WDPCP: variants seen among roughly 807,000 people sequenced by gnomAD.
The protein encoded by WDPCP is WD repeat-containing and planar cell polarity effector protein fritz homolog.
In WDPCP, 71 loss-of-function variants were observed where a neutral mutation model predicts 93.1. The observed-to-expected ratio is 0.76, with a 90% CI of 0.63 to 0.93. WDPCP has a LOEUF of 0.93. Among genes scored for constraint, WDPCP ranks in the 40% least tolerant of loss-of-function variants. The pLI is 0.00. For missense variants in WDPCP, 844 were observed against 887.4 expected, an observed-to-expected ratio of 0.95 and a Z score of 0.62; for synonymous variants, 315 against 315.0, an observed-to-expected ratio of 1.00 and a Z score of 0.00.
chr2:63,605,839 T>C (rs560106788), intron 3 of WDPCP: 4 of 940,164 alleles, frequency 4.3e-6, no homozygotes, highest in East Asian at 2.4e-5. Context: ...AATGATGTTA[T>C]GAACATAGTA....
chr2:63,397,532 G>T (rs917984582), intron 10 of WDPCP, among the ~76,000 whole-genome samples: 2 of 152,226 alleles, frequency 1.3e-5, no homozygotes, highest in African/African-American at 4.8e-5. Flanking sequence ...CACAAAGTGA[G>T]GGCTAAAAAT....
intron 14 of WDPCP, among the ~76,000 whole-genome samples, chr2:63,195,818 T>C (rs1238878263): frequency 2.6e-5 from 4 of 152,154 alleles, no homozygotes; most frequent in African/African-American, 4.8e-5. Flanking sequence ...TTTATCAAAA[T>C]GTATACACAC....
chr2:63,242,896 A>G (rs763395725), intron 14 of WDPCP, among the ~76,000 whole-genome samples: 5 of 152,166 alleles, frequency 3.3e-5, no homozygotes, highest in African/African-American at 4.8e-5. Context: ...CAAATCTTCA[A>G]TGATGTAGAT....
intron 12 of WDPCP, among the ~76,000 whole-genome samples, chr2:63,331,667 A>G (rs1000691422): frequency 1.3e-5 from 2 of 152,312 alleles, no homozygotes; most frequent in African/African-American, 4.8e-5. Flanking sequence ...ATTTTGCAGC[A>G]AATGCCCTTA....
At chr2:63,703,300 A>G (rs1406273750) in intron 2 of WDPCP, among the ~76,000 whole-genome samples, 7 of 152,308 alleles carry the variant, frequency 4.6e-5, no homozygotes, top group African/African-American at 1.2e-4. Context: ...TCGCCACACC[A>G]ACTTCCACAA....
chr2:63,261,344 G>T (rs982690385), intron 13 of WDPCP, among the ~76,000 whole-genome samples: 2 of 152,004 alleles, frequency 1.3e-5, no homozygotes, highest in Non-Finnish European at 2.9e-5. Context: ...AACTTTAATT[G>T]GAAGTGATTT....
intron 9 of WDPCP, among the ~76,000 whole-genome samples, chr2:63,414,504 T>TAC (rs1333301707): frequency 6.6e-6 from 1 of 151,116 alleles, no homozygotes; most frequent in Non-Finnish European, 1.5e-5. Flanking sequence ...CACATATATA[T>TAC]ACACACACAC....
At chr2:63,228,223 T>G (rs911763721) in intron 14 of WDPCP, among the ~76,000 whole-genome samples, 1 of 152,000 alleles carries the variant, frequency 6.6e-6, no homozygotes, top group Non-Finnish European at 1.5e-5. Flanking sequence ...CAAGTCACAA[T>G]TGCTTAGGAA....
intron 12 of WDPCP, among the ~76,000 whole-genome samples, chr2:63,364,471 G>A (rs1359401930): frequency 6.6e-6 from 1 of 151,984 alleles, no homozygotes; most frequent in Non-Finnish European, 1.5e-5. Flanking sequence ...TCTTTCATGT[G>A]CATTCACTGT....
At chr2:63,334,156 G>T (rs1056705275) in intron 12 of WDPCP, among the ~76,000 whole-genome samples, 18 of 152,116 alleles carry the variant, frequency 1.2e-4, no homozygotes, top group African/African-American at 4.3e-4. Context: ...ATGAACATGG[G>T]GTGTCTTTAC....
chr2:63,213,413 C>G (rs1051828275), intron 14 of WDPCP, among the ~76,000 whole-genome samples: 1 of 152,194 alleles, frequency 6.6e-6, no homozygotes, highest in East Asian at 1.9e-4. Flanking sequence ...TAAAGATGTT[C>G]TTTGAAACCA....
chr2:63,837,322 A>T, the WDPCP span, among the ~76,000 whole-genome samples: 1 of 152,310 alleles, frequency 6.6e-6, no homozygotes, highest in African/African-American at 2.4e-5. Flanking sequence ...TGTTAGATGT[A>T]GTCAGTTACT....
intron 9 of WDPCP, among the ~76,000 whole-genome samples, chr2:63,428,763 T>C (rs1335602054): frequency 6.6e-6 from 1 of 151,918 alleles, no homozygotes; most frequent in Non-Finnish European, 1.5e-5. Flanking sequence ...ACCAGTAATG[T>C]CCAAATCAAG....
chr2:63,690,901 C>A (rs1320712644), intron 2 of WDPCP, among the ~76,000 whole-genome samples: 1 of 151,754 alleles, frequency 6.6e-6, no homozygotes, highest in African/African-American at 2.4e-5. Context: ...AAATATCTAC[C>A]AAAGGTGGCA....
At chr2:63,771,482 C>T (rs987403267) in intron 2 of WDPCP, among the ~76,000 whole-genome samples, 1 of 151,786 alleles carries the variant, frequency 6.6e-6, no homozygotes, top group Non-Finnish European at 1.5e-5. Flanking sequence ...TAAATAACAC[C>T]AATCTTACAC....
At chr2:63,381,028 C>G (rs1229894051) in intron 11 of WDPCP, among the ~76,000 whole-genome samples, 2 of 152,136 alleles carry the variant, frequency 1.3e-5, no homozygotes, top group Admixed American at 6.5e-5. Context: ...AAGTAAAGAT[C>G]TTTTGACATA....
At chr2:63,399,434 G>C (rs2105125271) in intron 10 of WDPCP, among the ~76,000 whole-genome samples, 1 of 152,212 alleles carries the variant, frequency 6.6e-6, no homozygotes, top group East Asian at 1.9e-4. Flanking sequence ...AAATGTGCTA[G>C]AGATAGGAAG....
chr2:63,208,365 G>T (rs1279080716), intron 14 of WDPCP, among the ~76,000 whole-genome samples: 1 of 152,068 alleles, frequency 6.6e-6, no homozygotes, highest in African/African-American at 2.4e-5. Flanking sequence ...GCATAGGTCT[G>T]GAGCTTCTGA....
chr2:63,161,798 CTG>C (rs1393303869), intron 15 of WDPCP, among the ~76,000 whole-genome samples: 1 of 146,840 alleles, frequency 6.8e-6, no homozygotes, highest in Admixed American at 6.8e-5. Context: ...GAGTCTTGCT[CTG>C]TTGCTCAGGC....
Sources: gnomAD v4.1 joint callset for allele counts (sites outside exome capture counted in the v4.1 genomes callset) on GRCh38, gnomAD v4.1.1 for gene constraint, MANE v1.5 for transcripts, NCBI Gene and HGNC (gene_info 2026-07-23, HGNC 2026-07-21) for gene names.